Variants in CSNK1D observed in about 807,000 individuals in gnomAD.
The protein encoded by CSNK1D is casein kinase I isoform delta.
In CSNK1D, 16 loss-of-function variants were observed where a neutral mutation model predicts 46.6. That is an observed-to-expected ratio of 0.34 (90% CI 0.23 to 0.52). The LOEUF is 0.52. Among genes scored for constraint, CSNK1D ranks in the 20% least tolerant of loss-of-function variants. CSNK1D has a pLI of 0.95. For missense variants in CSNK1D, 398 were observed against 578.4 expected, an observed-to-expected ratio of 0.69 and a Z score of 3.20; for synonymous variants, 276 against 228.2, an observed-to-expected ratio of 1.21 and a Z score of -1.89.
chr17:82,248,018 C>G lies in CSNK1D; in HGVS notation c.1197+857G>C. On this transcript the variant is annotated intron_variant, in intron 8 of 8. Coordinates refer to ENST00000314028, the MANE Select transcript of CSNK1D (RefSeq NM_001893.6). The surrounding 1 kb of genome is among the most constrained non-coding windows in gnomAD (Gnocchi z 4.1). ...GCAGGCCTGGCTCCATCCTGTGATC[C>G]CAACAAACACCTCCCCACAAGCCCA... The G allele has an allele frequency of 1.0e-6, 1 of 985,428 alleles. No homozygotes were observed. The highest frequency in any genetic ancestry group is 1.2e-6 in the Non-Finnish European group (1 of 829,962). The allele number at this position is 985,428 out of a possible 1,614,324, so 61.0% of individuals were successfully genotyped here. A position where few individuals can be genotyped will look rare whatever the true frequency, so the allele number is the denominator to read the frequency against.
At chr17:82,266,165 C>T (rs372631140) in intron 1 of CSNK1D, among the ~76,000 whole-genome samples, 1 of 152,294 alleles carries the variant, frequency 6.6e-6, no homozygotes, top group East Asian at 1.9e-4. Context: ...TAGAGCTCCA[C>T]GGTGCCATTC....
At position 82,273,409 on chromosome 17, in the gene CSNK1D, C is replaced by A; in HGVS notation, c.-28G>T. 1 of 1,609,668 alleles carries A rather than the reference C, an allele frequency of 6.2e-7. No individual in the cohort carries two copies. The highest frequency in any genetic ancestry group is 1.1e-5 in the South Asian group (1 of 90,804). On this transcript the variant is annotated 5_prime_UTR_variant, in exon 1 of 9. Transcript: ENST00000314028. This position sits in a 1 kb window ranked among gnomAD's most constrained non-coding sequence, Gnocchi z 5.1. ...CGGCGGCGGCCCGATTCGCTCCTGC[C>A]CTCCCGGCCGCTTCCTGGGTCTGAA...
Position 82,251,706 on chromosome 17 carries a change from C to T in CSNK1D, c.737-179G>A, listed in dbSNP as rs1402507688. On this transcript the variant is annotated intron_variant, in intron 5 of 8. Coordinates refer to ENST00000314028, the MANE Select transcript of CSNK1D (RefSeq NM_001893.6). The surrounding 1 kb of genome is among the most constrained non-coding windows in gnomAD (Gnocchi z 4.5). ...AGAAAGCATCGAAAAGTATTCAAGT[C>T]ACGGCCGGGTGCGGCGGCTCACGCC... The T allele has an allele frequency of 4.0e-6, 3 of 742,304 alleles. No individual in the cohort carries two copies. The highest frequency in any genetic ancestry group is 3.5e-5 in the African/African-American group (2 of 57,570). The allele number at this position is 742,304 out of a possible 1,614,324, so 46.0% of individuals were successfully genotyped here. A position where few individuals can be genotyped will look rare whatever the true frequency, so the allele number is the denominator to read the frequency against.
At chr17:82,239,187 G>A (rs2147139990), downstream of CSNK1D, 2 of 476,016 alleles carry the variant, frequency 4.2e-6, no homozygotes, top group East Asian at 3.5e-5. Flanking sequence ...AAGCCAAGCC[G>A]CAAGGTTACA....
chr17:82,249,096 G>T lies in CSNK1D; in HGVS notation c.1058-82C>A. ...GGCTTTCTATGAGAGGCTGTGGCCA[G>T]AGAGGACCCTGGGCTGCCTGGACAG... is the stretch of plus-strand genomic sequence containing the variant. On this transcript the variant is annotated intron_variant, in intron 7 of 8. Transcript: ENST00000314028. The surrounding 1 kb of genome is among the most constrained non-coding windows in gnomAD (Gnocchi z 6.7). 15 of 1,498,292 alleles carry T rather than the reference G, an allele frequency of 1.0e-5. No individual in the cohort carries two copies. In the South Asian group the frequency reaches 1.9e-4, roughly 19 times the overall value. 92.8% of individuals were successfully genotyped at this position (1,498,292 alleles called of 1,614,324 possible).
rs1173114946 is a variant in CSNK1D at position 82,243,601 on chromosome 17, G to A, written c.*1180C>T. ...CAGACTCTACTTTCTGGCCGTGAAG[G>A]TTCTGGGTCCGGTTGGGAGAGTCAC... On this transcript the variant is annotated 3_prime_UTR_variant, in exon 9 of 9. Transcript: ENST00000314028. The A allele has an allele frequency of 1.0e-6, 1 of 985,366 alleles. No individual in the cohort carries two copies. Among genetic ancestry groups the A allele is most frequent in the East Asian group, 1.1e-4 (1 of 8,828 alleles). 61.0% of individuals were successfully genotyped at this position (985,366 alleles called of 1,614,324 possible). A position where few individuals can be genotyped will look rare whatever the true frequency, so the allele number is the denominator to read the frequency against.
At position 82,255,051 on chromosome 17, in the gene CSNK1D, G is replaced by C. The variant is rs1466599179; in HGVS notation, c.336+378C>G. ...GAGCCGTCGGAGCCTCGAGAAGCCA[G>C]TGAGCTGAGCCGCCGGAGCCTCGAG... On this transcript the variant is annotated intron_variant, in intron 3 of 8. Coordinates refer to ENST00000314028, the MANE Select transcript of CSNK1D (RefSeq NM_001893.6). This position sits in a 1 kb window ranked among gnomAD's most constrained non-coding sequence, Gnocchi z 5.9. 5.4e-6 allele frequency: 2 copies of C among 368,540 alleles called. No homozygotes were observed. Among genetic ancestry groups the C allele is most frequent in the East Asian group, 1.5e-4 (2 of 13,728 alleles). The allele number at this position is 368,540 out of a possible 1,614,324, so 22.8% of individuals were successfully genotyped here. A position where few individuals can be genotyped will look rare whatever the true frequency, so the allele number is the denominator to read the frequency against.
At chr17:82,271,056 C>A (rs924843090) in intron 1 of CSNK1D, among the ~76,000 whole-genome samples, 2 of 152,166 alleles carry the variant, frequency 1.3e-5, no homozygotes, top group African/African-American at 2.4e-5. Flanking sequence ...GATCAGAGAA[C>A]AGATAGTTTC....
rs776187284 is a variant in CSNK1D at position 82,250,415 on chromosome 17, G to A, written c.886-813C>T. On this transcript the variant is annotated intron_variant, in intron 6 of 8. Transcript: ENST00000314028. The surrounding 1 kb of genome is among the most constrained non-coding windows in gnomAD (Gnocchi z 4.6). The stretch of plus-strand genomic sequence containing the variant: ...AACGCTGGCCTAGCCTGCTCTGAGG[G>A]CCGGGTGACTCTAATGCCGCAGGAG... The A allele has an allele frequency of 2.8e-6, 1 of 356,670 alleles. No homozygotes were observed. The highest frequency in any genetic ancestry group is 9.7e-4 in the Middle Eastern group (1 of 1,030). The allele number at this position is 356,670 out of a possible 1,614,324, so 22.1% of individuals were successfully genotyped here. A position where few individuals can be genotyped will look rare whatever the true frequency, so the allele number is the denominator to read the frequency against.
In CSNK1D at chr17:82,247,612, ACCCT is replaced by A. The variant is rs1221501812; in HGVS notation, c.1197+1259_1197+1262del. ...CATCAAGACACGAGGGCACGGGCAG[ACCCT>A]CCCGGGAACTGCTCACAGGAACTGA... On this transcript the variant is annotated intron_variant, in intron 8 of 8. Coordinates refer to ENST00000314028, the MANE Select transcript of CSNK1D (RefSeq NM_001893.6). 9.1e-6 allele frequency: 9 copies of A among 985,168 alleles called. No homozygotes were observed. In the African/African-American group the frequency reaches 1.0e-4, roughly 11 times the overall value. 61.0% of individuals were successfully genotyped at this position (985,168 alleles called of 1,614,324 possible). A position where few individuals can be genotyped will look rare whatever the true frequency, so the allele number is the denominator to read the frequency against.
rs1168832733 is a variant in CSNK1D, at chr17:82,255,632, A to C, written c.188-55T>G. 1 of 1,606,582 alleles carries C rather than the reference A, an allele frequency of 6.2e-7. No homozygotes were observed. Among genetic ancestry groups the C allele is most frequent in the Non-Finnish European group, 8.5e-7 (1 of 1,173,756 alleles). On this transcript the variant is annotated intron_variant, in intron 2 of 8. Coordinates refer to ENST00000314028, the MANE Select transcript of CSNK1D (RefSeq NM_001893.6). The surrounding 1 kb of genome is among the most constrained non-coding windows in gnomAD (Gnocchi z 5.9). ...AGTCCAGGCCCTGCCTCAGCTCCAC[A>C]CTAAGTCTGCACTGTGCACACCAAG... is the stretch of plus-strand genomic sequence containing the variant.
rs77320319 is a variant in CSNK1D, at chr17:82,261,864, C to A, written c.187+3822G>T. 1.3e-3 allele frequency among the ~76,000 whole-genome samples: 199 copies of A among 152,276 alleles called. 3 individuals are homozygous for A. The East Asian group carries it at 0.035, about 27-fold the overall frequency. ...CCCTCAGCCACAGAACCGTCACCCA[C>A]TGGCCCGGGTTCTACACACGTACTC... On this transcript the variant is annotated intron_variant, in intron 2 of 8. Transcript: ENST00000314028.
intron 8 of CSNK1D, chr17:82,247,656 G>T (rs1488863446): frequency 2.0e-6 from 2 of 985,424 alleles, no homozygotes; most frequent in African/African-American, 3.5e-5. Flanking sequence ...CAAGTGCCAG[G>T]CTCGTGGAAA....
At chr17:82,246,134 CCAGGTCCACAGACCGA>C (rs2050845043) in intron 8 of CSNK1D, 2 of 1,549,340 alleles carry the variant, frequency 1.3e-6, no homozygotes, top group African/African-American at 2.7e-5. Flanking sequence ...CTTGCCTCAA[CCAGGTCCACAGACCGA>C]CAGGTGCCAC....
rs199792380 is a variant in CSNK1D at position 82,242,702 on chromosome 17, G to A, written c.*2079C>T. Reference sequence around the variant, plus strand: ...GTCATTATGAATTTATTATTTACACGATTGTTAAAGTACACAAATACAGTG... The same window carrying A: ...GTCATTATGAATTTATTATTTACACAATTGTTAAAGTACACAAATACAGTG... On this transcript the variant is annotated 3_prime_UTR_variant, in exon 9 of 9. Coordinates refer to ENST00000314028, the MANE Select transcript of CSNK1D (RefSeq NM_001893.6). 1.1e-4 allele frequency: 111 copies of A among 985,310 alleles called. No homozygotes were observed. In the East Asian group the frequency reaches 4.9e-3, roughly 43 times the overall value. The allele number at this position is 985,310 out of a possible 1,614,324, so 61.0% of individuals were successfully genotyped here. A position where few individuals can be genotyped will look rare whatever the true frequency, so the allele number is the denominator to read the frequency against.
chr17:82,271,437 C>A (rs1394934101), intron 1 of CSNK1D, among the ~76,000 whole-genome samples: 1 of 152,188 alleles, frequency 6.6e-6, no homozygotes. Flanking sequence ...TAACTCAGAT[C>A]CTGGGGTTAA....
At chr17:82,245,433 T>G in intron 8 of CSNK1D, 1 of 203,382 alleles carries the variant, frequency 4.9e-6, no homozygotes, top group Non-Finnish European at 1.0e-5. Context: ...AGACCAAGTG[T>G]GAAAAGAAAC....
Position 82,248,842 on chromosome 17 carries a change from G to C in CSNK1D, c.1197+33C>G. ...TCTTGACTCGGACGGGGTAGCCCGA[G>C]GCCCAGCGCCCGCCCGGGAGCTCTG... On this transcript the variant is annotated intron_variant, in intron 8 of 8. Transcript: ENST00000314028. The surrounding 1 kb of genome is among the most constrained non-coding windows in gnomAD (Gnocchi z 4.1). The C allele has an allele frequency of 6.3e-7, 1 of 1,599,594 alleles. No homozygotes were observed. Among genetic ancestry groups the C allele is most frequent in the Non-Finnish European group, 8.5e-7 (1 of 1,172,720 alleles).
chr17:82,247,600 G>T, intron 8 of CSNK1D: 1 of 985,452 alleles, frequency 1.0e-6, no homozygotes, highest in Non-Finnish European at 1.2e-6. Flanking sequence ...CAAGACACGA[G>T]GGCACGGGCA....
Sources: allele counts gnomAD v4.1 joint callset (sites outside exome capture counted in the v4.1 genomes callset), GRCh38; gene constraint gnomAD v4.1.1; non-coding constraint Gnocchi (gnomAD v3.1); transcripts MANE v1.5; gene names NCBI Gene and HGNC (gene_info 2026-07-23, HGNC 2026-07-21).